Variants in CNTN5 observed in about 807,000 individuals in gnomAD.
The protein encoded by CNTN5 is contactin-5.
A neutral mutation model predicts 129.1 loss-of-function variants in CNTN5; 77 were observed. The observed-to-expected ratio is 0.60, with a 90% CI of 0.50 to 0.72. The LOEUF (loss-of-function observed/expected upper bound fraction) is 0.72, where lower values mean the gene tolerates loss of function less well. Among genes scored for constraint, CNTN5 ranks in the 30% least tolerant of loss-of-function variants. The probability of loss-of-function intolerance (pLI) is 0.00; values close to 1 mark genes in which losing one functional copy is unlikely to be tolerated. For missense variants in CNTN5, 1,478 were observed against 1,328.8 expected (o/e 1.11, Z -1.75); for synonymous variants, 509 against 465.6 (o/e 1.09, Z -1.20).
At chr11:99,760,666 T>C (rs1276062582) in intron 3 of CNTN5, among the ~76,000 whole-genome samples, 2 of 152,164 alleles carry the variant, frequency 1.3e-5, no homozygotes, top group African/African-American at 4.8e-5. Context: ...CAAAATATAG[T>C]ATTAAATACA....
chr11:99,479,165 A>G (rs1945492447), intron 2 of CNTN5, among the ~76,000 whole-genome samples: 1 of 152,036 alleles, frequency 6.6e-6, no homozygotes, highest in Admixed American at 6.6e-5. Flanking sequence ...AGTTTCATTA[A>G]TTCTTATTTT....
chr11:99,139,165 G>A (rs542828084), intron 1 of CNTN5, among the ~76,000 whole-genome samples: 1 of 151,272 alleles, frequency 6.6e-6, no homozygotes, highest in Non-Finnish European at 1.5e-5. Context: ...TACTCAGGAG[G>A]CTGAGGTGGG....
chr11:99,329,952 CACACAA>C (rs764444204), intron 2 of CNTN5, among the ~76,000 whole-genome samples: 1 of 131,286 alleles, frequency 7.6e-6, no homozygotes, highest in Admixed American at 7.4e-5. Flanking sequence ...CACACACACA[CACACAA>C]TCCCTTATAT....
chr11:99,126,823 C>A (rs1591238557), intron 1 of CNTN5, among the ~76,000 whole-genome samples: 1 of 152,170 alleles, frequency 6.6e-6, no homozygotes. Flanking sequence ...GCTTCTATTC[C>A]TCTTTGCTGT....
In CNTN5 at chr11:99,276,412, C is replaced by T. The variant is rs574054947; in HGVS notation, c.-209-48934C>T. Reference sequence around the variant, plus strand: ...AATGAATACTTAAAACTACACCTCACTAATTTGAATTTCGAATAGCATCTG... The same window carrying T: ...AATGAATACTTAAAACTACACCTCATTAATTTGAATTTCGAATAGCATCTG... On this transcript the variant is annotated intron_variant, in intron 1 of 24. Transcript: ENST00000524871. Among the ~76,000 whole-genome samples the T allele has an allele frequency of 7.1e-4, 108 of 151,702 alleles. 1 individual carries two copies. Among genetic ancestry groups the T allele is most frequent in the Non-Finnish European group, 1.2e-3 (81 of 67,734 alleles).
chr11:99,677,927 A>G lies in CNTN5; in HGVS notation c.55+121658A>G, dbSNP rs1379953215. Among the ~76,000 whole-genome samples, 4 of 151,988 alleles carry G rather than the reference A, an allele frequency of 2.6e-5. No homozygotes were observed. In the East Asian group the frequency reaches 5.8e-4, roughly 22 times the overall value. Reference sequence around the variant, plus strand: ...TTTCATTACCGCTTTTGCCCTTTTTATTGGTAAAACATGGATTCTCCTTGG... The same window carrying G: ...TTTCATTACCGCTTTTGCCCTTTTTGTTGGTAAAACATGGATTCTCCTTGG... On this transcript the variant is annotated intron_variant, in intron 3 of 24. Transcript: ENST00000524871.
At chr11:99,885,725 G>T (rs1274118979) in intron 6 of CNTN5, among the ~76,000 whole-genome samples, 2 of 152,036 alleles carry the variant, frequency 1.3e-5, no homozygotes, top group Non-Finnish European at 2.9e-5. Flanking sequence ...TAGAAAGTTT[G>T]GTGAGTAATA....
chr11:100,005,938 A>AAATACCATAT (rs1940163386), intron 9 of CNTN5, among the ~76,000 whole-genome samples: 1 of 152,118 alleles, frequency 6.6e-6, no homozygotes, highest in Non-Finnish European at 1.5e-5. Flanking sequence ...CATGTTATTC[A>AAATACCATAT]TTGAACCAAA....
intron 8 of CNTN5, among the ~76,000 whole-genome samples, chr11:99,997,766 G>T (rs1370049202): frequency 6.6e-6 from 1 of 151,952 alleles, no homozygotes; most frequent in East Asian, 1.9e-4. Flanking sequence ...ATAAAATACT[G>T]GCAAACCGAA....
chr11:99,579,742 G>A (rs1255036236), intron 3 of CNTN5, among the ~76,000 whole-genome samples: 1 of 148,410 alleles, frequency 6.7e-6, no homozygotes, highest in South Asian at 2.2e-4. Context: ...TGAGACGATG[G>A]GGTTTTCTAG....
chr11:100,056,480 A>C (rs1004021495), intron 9 of CNTN5, among the ~76,000 whole-genome samples: 1 of 151,724 alleles, frequency 6.6e-6, no homozygotes, highest in Non-Finnish European at 1.5e-5. Context: ...CGTGAGGTTA[A>C]TGGAGTGTTT....
At chr11:99,442,665 A>AC (rs1197173617) in intron 2 of CNTN5, among the ~76,000 whole-genome samples, 1 of 152,236 alleles carries the variant, frequency 6.6e-6, no homozygotes, top group Non-Finnish European at 1.5e-5. Context: ...AAAGGCTAGA[A>AC]CAAAGACATA....
chr11:99,442,479 G>A (rs1943875211), intron 2 of CNTN5, among the ~76,000 whole-genome samples: 5 of 152,020 alleles, frequency 3.3e-5, no homozygotes, highest in Admixed American at 2.6e-4. Flanking sequence ...TTTGAGGGCT[G>A]TTGTTTAAGT....
chr11:99,434,108 A>G (rs1257795388), intron 2 of CNTN5, among the ~76,000 whole-genome samples: 1 of 152,132 alleles, frequency 6.6e-6, no homozygotes, highest in African/African-American at 2.4e-5. Flanking sequence ...CGGCTGAAAA[A>G]CAGGTGGTCT....
intron 7 of CNTN5, among the ~76,000 whole-genome samples, chr11:99,918,271 C>G (rs1417111997): frequency 6.6e-6 from 1 of 152,072 alleles, no homozygotes; most frequent in East Asian, 1.9e-4. Flanking sequence ...CAATATAGAT[C>G]CAACTCTTAG....
chr11:99,237,566 A>T (rs1591398703), intron 1 of CNTN5, among the ~76,000 whole-genome samples: 2 of 152,246 alleles, frequency 1.3e-5, no homozygotes, highest in South Asian at 4.1e-4. Flanking sequence ...CTGTAGTCCC[A>T]GGTACTCAGG....
chr11:99,620,768 T>C (rs12789908), intron 3 of CNTN5, among the ~76,000 whole-genome samples: 68,382 of 151,024 alleles, frequency 0.45, 15,879 homozygotes, highest in Admixed American at 0.59. Flanking sequence ...TTGAAAAAAA[T>C]AGGGGACTCT....
chr11:99,631,426 G>A (rs536102140), intron 3 of CNTN5, among the ~76,000 whole-genome samples: 4 of 151,762 alleles, frequency 2.6e-5, no homozygotes, highest in Admixed American at 1.3e-4. Flanking sequence ...AGTAAAGAAC[G>A]AAATCAATAA....
At chr11:99,648,951 C>A (rs1952060093) in intron 3 of CNTN5, among the ~76,000 whole-genome samples, 1 of 151,598 alleles carries the variant, frequency 6.6e-6, no homozygotes, top group African/African-American at 2.4e-5. Context: ...AAAGGATACA[C>A]AACTACAGCT....
Sources: gnomAD v4.1 joint callset for allele counts (sites outside exome capture counted in the v4.1 genomes callset) on GRCh38, gnomAD v4.1.1 for gene constraint, MANE v1.5 for transcripts, NCBI Gene and HGNC (gene_info 2026-07-23, HGNC 2026-07-21) for gene names.